Variants in SCUBE1 observed in about 807,000 individuals in gnomAD.
The protein encoded by SCUBE1 is signal peptide, CUB domain and EGF like domain containing 1.
In SCUBE1, 59 loss-of-function variants were observed where a neutral mutation model predicts 124.4. That is an observed-to-expected ratio of 0.47 (90% CI 0.38 to 0.59). The LOEUF is 0.59. Ranked by LOEUF, SCUBE1 falls within the 20% of genes least tolerant of loss-of-function variation. The pLI is 0.00. For synonymous variants in SCUBE1, 545 were observed against 550.9 expected (o/e 0.99, Z 0.15); for missense variants, 1,150 against 1,371.2 (o/e 0.84, Z 2.55).
rs141189595 is a variant in SCUBE1, at chr22:43,295,277, G to A, written c.350-4097C>T. Among the ~76,000 whole-genome samples the A allele has an allele frequency of 3.3e-4, 51 of 152,276 alleles. 1 individual carries two copies. Among genetic ancestry groups the A allele is most frequent in the African/African-American group, 1.1e-3 (46 of 41,550 alleles). ...TGCCCAGCATAATTCACTCCACCCCGGCTTCCAGGCCAGGCCTGCCTTCCT... is the reference window on the plus strand; with the variant it reads ...TGCCCAGCATAATTCACTCCACCCCAGCTTCCAGGCCAGGCCTGCCTTCCT... On this transcript the variant is annotated intron_variant, in intron 3 of 21. Transcript: ENST00000360835.
chr22:43,213,815 C>T (rs762019947), intron 16 of SCUBE1, among the ~76,000 whole-genome samples: 23 of 148,190 alleles, frequency 1.6e-4, no homozygotes, highest in Non-Finnish European at 2.5e-4. Context: ...TTCCAAAGGG[C>T]ACAATGCAAT....
In SCUBE1 at chr22:43,255,340, CACAG is replaced by C; in HGVS notation, c.727+2875_727+2878del. ...GCACACACGTGGGCACACCCCACAA[CACAG>C]ACATATGCCCCCACACGCACACGTC... On this transcript the variant is annotated intron_variant, in intron 6 of 21. Coordinates refer to ENST00000360835, the MANE Select transcript of SCUBE1 (RefSeq NM_173050.5). This position sits in a 1 kb window ranked among gnomAD's most constrained non-coding sequence, Gnocchi z 4.7. The C allele has an allele frequency of 1.4e-6, 1 of 730,648 alleles. No homozygotes were observed. Among genetic ancestry groups the C allele is most frequent in the South Asian group, 1.7e-5 (1 of 58,708 alleles). The allele number at this position is 730,648 out of a possible 1,614,324, so 45.3% of individuals were successfully genotyped here.
rs1049501007 is a variant in SCUBE1, at chr22:43,218,453, A to G, written c.1693T>C (p.Cys565Arg). Residue 565 changes from cysteine (C) to arginine (R), a missense_variant, in exon 15 of 22, where the codon TGC becomes CGC. Cys to Arg is a radical substitution (Grantham distance 180, BLOSUM62 -3). Transcript: ENST00000360835. ...ETKMEEASDT[C>R]EADCLRKRAE... The stretch of plus-strand genomic sequence containing the variant: ...CGCTTCCGCAAGCAGTCCGCTTCGC[A>G]TGTGTCTGCAGGGGCAGGAGAGACA... 6.2e-7 allele frequency: 1 copy of G among 1,610,626 alleles called. No homozygotes were observed. Among genetic ancestry groups the G allele is most frequent in the African/African-American group, 1.3e-5 (1 of 74,930 alleles).
intron 10 of SCUBE1, among the ~76,000 whole-genome samples, chr22:43,224,916 A>T (rs923322145): frequency 1.1e-4 from 17 of 152,204 alleles, no homozygotes; most frequent in African/African-American, 4.1e-4. Flanking sequence ...GGTAAATGGC[A>T]AACTGCCCCC....
At chr22:43,231,070 G>A (rs1413223541) in intron 8 of SCUBE1, among the ~76,000 whole-genome samples, 1 of 152,206 alleles carries the variant, frequency 6.6e-6, no homozygotes. Context: ...GGCCCACAGG[G>A]TACCTGTCTC....
chr22:43,290,930 C>T, intron 4 of SCUBE1, 116 bp downstream of exon 4: 1 of 1,202,850 alleles, frequency 8.3e-7, no homozygotes, highest in Non-Finnish European at 1.1e-6. Flanking sequence ...TTCAGACTAC[C>T]ACCAAAATTC....
At chr22:43,222,978 C>G in intron 11 of SCUBE1, 119 bp downstream of exon 11, 1 of 1,350,806 alleles carries the variant, frequency 7.4e-7, no homozygotes, top group Non-Finnish European at 1.0e-6. Context: ...ACTCAGTTAT[C>G]AGAGACCCTC....
chr22:43,325,113 G>A (rs1020997818), intron 2 of SCUBE1, among the ~76,000 whole-genome samples: 8 of 151,778 alleles, frequency 5.3e-5, no homozygotes, highest in South Asian at 2.1e-4. Flanking sequence ...AGGCAGCTGT[G>A]TGTGTGAGGC....
intron 6 of SCUBE1, among the ~76,000 whole-genome samples, chr22:43,240,476 G>C (rs1403441104): frequency 7.2e-5 from 11 of 152,204 alleles, no homozygotes; most frequent in Non-Finnish European, 5.9e-5. Flanking sequence ...CCTTCCTCAG[G>C]CTCATGCAGG....
intron 4 of SCUBE1, among the ~76,000 whole-genome samples, chr22:43,273,549 G>A (rs1364834333): frequency 1.6e-5 from 2 of 125,732 alleles, no homozygotes; most frequent in Admixed American, 8.0e-5. Context: ...AAAGTGGGGA[G>A]ACTAAAACCC....
In SCUBE1 at chr22:43,208,165, A is replaced by G; in HGVS notation, c.2641T>C (p.Phe881Leu). The G allele has an allele frequency of 6.2e-7, 1 of 1,614,118 alleles. No homozygotes were observed. Among genetic ancestry groups the G allele is most frequent in the Non-Finnish European group, 8.5e-7 (1 of 1,180,018 alleles). Residue 881 changes from phenylalanine (F) to leucine (L), a missense_variant, in exon 20 of 22, where the codon TTC becomes CTC. Physicochemically the swap from Phe to Leu is conservative, Grantham distance 22. Coordinates refer to ENST00000360835, the MANE Select transcript of SCUBE1 (RefSeq NM_173050.5). ...TCQTYERPIA[F>L]TSRSRKLWIQ... is the part of the protein sequence containing the mutation. ...CAGAGCTTGCGGGAGCGGGAGGTGAAGGCGATGGGCCTCTCGTAGGTCTGG... is the reference window on the plus strand; with the variant it reads ...CAGAGCTTGCGGGAGCGGGAGGTGAGGGCGATGGGCCTCTCGTAGGTCTGG...
intron 4 of SCUBE1, among the ~76,000 whole-genome samples, chr22:43,271,300 C>T (rs1226144649): frequency 6.6e-6 from 1 of 152,220 alleles, no homozygotes; most frequent in Non-Finnish European, 1.5e-5. Context: ...CAAAAGGGCC[C>T]ACACCTGAGT....
Position 43,320,009 on chromosome 22 carries a change from T to G in SCUBE1, c.277A>C (p.Asn93His), listed in dbSNP as rs1290795244. 6.2e-7 allele frequency: 1 copy of G among 1,614,048 alleles called. No individual in the cohort carries two copies. The highest frequency in any genetic ancestry group is 1.3e-5 in the African/African-American group (1 of 74,912). Residue 93 changes from asparagine to histidine, a missense_variant, in exon 3 of 22, where the codon AAC becomes CAC. Physicochemically the swap from Asn to His is moderately conservative, Grantham distance 68 (BLOSUM62 1). Transcript: ENST00000360835. ...YNGGCVHECI[N>H]IPGNYRCTCF... ...GTACACCTGTAGTTCCCCGGGATGT[T>G]GATGCACTCGTGGACACAGCCCCCA...
At position 43,208,211 on chromosome 22, in the gene SCUBE1, G is replaced by A. The variant is rs759173251; in HGVS notation, c.2595C>T (p.Ser865=). ...TCTGGCAGGTCTCATAGGTGGTGAT[G>A]GACGTGGGAGAGGCTGCGGGTGAAG... ...LVMRKSASPT[S]ITTYETCQTY... is the part of the protein sequence containing the mutation. The change falls in exon 20 of 22, where the codon TCC becomes TCT. Residue 865 remains serine (S), a synonymous_variant. Transcript: ENST00000360835. 42 of 1,613,902 alleles carry A rather than the reference G, an allele frequency of 2.6e-5. No individual in the cohort carries two copies. The highest frequency in any genetic ancestry group is 3.6e-5 in the Non-Finnish European group (42 of 1,179,990).
intron 7 of SCUBE1, among the ~76,000 whole-genome samples, chr22:43,236,603 C>T (rs34541235): frequency 0.015 from 2,280 of 152,306 alleles, 33 homozygotes; most frequent in Non-Finnish European, 0.023. Context: ...GCCTCCTTTG[C>T]GTCCTTCCCA....
intron 16 of SCUBE1, among the ~76,000 whole-genome samples, chr22:43,212,850 G>A (rs921025952): frequency 1.3e-5 from 2 of 152,208 alleles, no homozygotes; most frequent in African/African-American, 4.8e-5. Flanking sequence ...AAGAAGGCCT[G>A]GGGGTTGAAG....
Position 43,297,730 on chromosome 22 carries a change from T to C in SCUBE1, c.350-6550A>G, listed in dbSNP as rs188324397. Among the ~76,000 whole-genome samples, 14 of 152,354 alleles carry C rather than the reference T, an allele frequency of 9.2e-5. No individual in the cohort carries two copies. The East Asian group carries it at 2.3e-3, about 25-fold the overall frequency. On this transcript the variant is annotated intron_variant, in intron 3 of 21. Coordinates refer to ENST00000360835, the MANE Select transcript of SCUBE1 (RefSeq NM_173050.5). ...TTTTTATTAATAGCTGGCTGTTTGT[T>C]CTACTTTGGACCAAGAGTCCAGGTT...
intron 7 of SCUBE1, among the ~76,000 whole-genome samples, chr22:43,236,727 C>A (rs1214342777): frequency 6.6e-6 from 1 of 152,168 alleles, no homozygotes; most frequent in Non-Finnish European, 1.5e-5. Flanking sequence ...TCCCCGGCCT[C>A]CCCCAGCCTC....
At chr22:43,288,209 C>T (rs968539192) in intron 4 of SCUBE1, among the ~76,000 whole-genome samples, 1 of 152,202 alleles carries the variant, frequency 6.6e-6, no homozygotes, top group Non-Finnish European at 1.5e-5. Flanking sequence ...CTGGTTAAAG[C>T]TGGACTCCTG....
Sources: gnomAD v4.1 joint callset for allele counts (sites outside exome capture counted in the v4.1 genomes callset) on GRCh38, gnomAD v4.1.1 for gene constraint, Gnocchi (gnomAD v3.1) non-coding constraint, MANE v1.5 for transcripts, NCBI Gene and HGNC (gene_info 2026-07-23, HGNC 2026-07-21) for gene names.